PDE4D: variants seen among roughly 807,000 people sequenced by gnomAD.
PDE4D encodes the protein 3',5'-cyclic-AMP phosphodiesterase 4D.
In PDE4D, 24 loss-of-function variants were observed where a neutral mutation model predicts 87.4. The observed-to-expected ratio is 0.27, with a 90% CI of 0.20 to 0.39. The LOEUF (loss-of-function observed/expected upper bound fraction) is 0.39, where lower values mean the gene tolerates loss of function less well. PDE4D is among the 10% of genes least tolerant of loss of function. The probability of loss-of-function intolerance (pLI) is 1.00; values close to 1 mark genes in which losing one functional copy is unlikely to be tolerated. For missense variants in PDE4D, 714 were observed against 1,041.0 expected (o/e 0.69, Z 4.32); for synonymous variants, 384 against 383.2 (o/e 1.00, Z -0.02).
intron 1 of PDE4D, among the ~76,000 whole-genome samples, chr5:60,476,008 A>G (rs1030492522): frequency 2.0e-5 from 3 of 152,106 alleles, no homozygotes; most frequent in East Asian, 1.9e-4. Flanking sequence ...TCAGGACTCA[A>G]TCTAACAAAT....
At chr5:59,854,415 T>C (rs948533985) in intron 1 of PDE4D, among the ~76,000 whole-genome samples, 91 of 152,216 alleles carry the variant, frequency 6.0e-4, no homozygotes, top group African/African-American at 2.1e-3. Context: ...TTTTTTTCAA[T>C]TTGTGACTTC....
chr5:59,394,701 C>G (rs1788975958), intron 1 of PDE4D, among the ~76,000 whole-genome samples: 1 of 152,130 alleles, frequency 6.6e-6, no homozygotes, highest in African/African-American at 2.4e-5. Flanking sequence ...AATCTATCAA[C>G]TTTATGAATC....
At position 59,259,467 on chromosome 5, in the gene PDE4D, A is replaced by C. The variant is rs192079083; in HGVS notation, c.456-43499T>G. Among the ~76,000 whole-genome samples, 16 of 152,032 alleles carry C rather than the reference A, an allele frequency of 1.1e-4. No homozygotes were observed. The East Asian group carries it at 3.1e-3, about 29-fold the overall frequency. The stretch of plus-strand genomic sequence containing the variant: ...TACTTTGAATGAAGTTAAGCACATA[A>C]GGTCTGACTTCGAAATGATACCAAG... On this transcript the variant is annotated intron_variant, in intron 1 of 14. Transcript: ENST00000340635.
chr5:60,282,208 C>CATATATATATATATATATATATATATAT (rs140298004), intron 1 of PDE4D, among the ~76,000 whole-genome samples: 5 of 128,398 alleles, frequency 3.9e-5, no homozygotes, highest in Admixed American at 8.0e-5. Flanking sequence ...GAGAAATAAA[C>CATATATATATATATATATATATATATAT]ATATATATAT....
chr5:59,142,599 A>G (rs963268401), intron 5 of PDE4D, among the ~76,000 whole-genome samples: 3 of 152,250 alleles, frequency 2.0e-5, no homozygotes, highest in African/African-American at 7.2e-5. Flanking sequence ...AAACCACACA[A>G]AAGTAGTGGT....
chr5:59,773,886 A>C (rs1763820688), intron 1 of PDE4D, among the ~76,000 whole-genome samples: 1 of 152,200 alleles, frequency 6.6e-6, no homozygotes, highest in Non-Finnish European at 1.5e-5. Context: ...TTAGAAGGGA[A>C]TATAAATAAA....
At chr5:59,285,931 A>C (rs1381460250) in intron 1 of PDE4D, among the ~76,000 whole-genome samples, 1 of 152,136 alleles carries the variant, frequency 6.6e-6, no homozygotes, top group Non-Finnish European at 1.5e-5. Flanking sequence ...GCCACTACTA[A>C]GTGTTGTCCA....
intron 1 of PDE4D, among the ~76,000 whole-genome samples, chr5:60,499,197 T>G (rs867044016): frequency 6.6e-6 from 1 of 152,232 alleles, no homozygotes; most frequent in African/African-American, 2.4e-5. Flanking sequence ...ATCTGTGTAT[T>G]TAGGAAACTG....
intron 11 of PDE4D, 116 bp from the exon 12 acceptor site, chr5:58,977,461 C>G: frequency 1.2e-6 from 1 of 816,370 alleles, no homozygotes; most frequent in Non-Finnish European, 2.0e-6. Context: ...CTGCCCTTAT[C>G]ATTACCTGAC....
At chr5:59,891,169 T>A (rs1195358963) in intron 1 of PDE4D, among the ~76,000 whole-genome samples, 1 of 152,186 alleles carries the variant, frequency 6.6e-6, no homozygotes, top group African/African-American at 2.4e-5. Flanking sequence ...AAATTTCAAA[T>A]AGAACAATTA....
chr5:60,262,365 C>G (rs1443970688), intron 1 of PDE4D: 2 of 152,160 alleles, frequency 1.3e-5, no homozygotes, highest in Non-Finnish European at 2.9e-5. Flanking sequence ...CTTTTGGAAT[C>G]AGGCAAACTT....
At chr5:60,060,904 T>A (rs1456909431) in intron 2 of PDE4D, among the ~76,000 whole-genome samples, 1 of 152,020 alleles carries the variant, frequency 6.6e-6, no homozygotes, top group African/African-American at 2.4e-5. Context: ...AAACTCTCAA[T>A]AAACTAGATA....
intron 3 of PDE4D, among the ~76,000 whole-genome samples, chr5:59,971,093 A>C (rs1450011010): frequency 6.6e-6 from 1 of 151,550 alleles, no homozygotes; most frequent in Non-Finnish European, 1.5e-5. Flanking sequence ...CATTCTCAGT[A>C]AACTATCGCA....
At chr5:59,924,358 T>C (rs13165928) in intron 3 of PDE4D, among the ~76,000 whole-genome samples, 2 of 152,108 alleles carry the variant, frequency 1.3e-5, no homozygotes. Context: ...TAGGGAATTA[T>C]ATCAATATTC....
intron 1 of PDE4D, among the ~76,000 whole-genome samples, chr5:60,331,701 G>A (rs1359716539): frequency 6.6e-6 from 1 of 152,186 alleles, no homozygotes; most frequent in Non-Finnish European, 1.5e-5. Flanking sequence ...GGCAAGAGGA[G>A]GGTTTAATTA....
intron 6 of PDE4D, among the ~76,000 whole-genome samples, chr5:59,001,152 A>G (rs1484566016): frequency 1.3e-5 from 2 of 152,224 alleles, no homozygotes; most frequent in African/African-American, 2.4e-5. Flanking sequence ...GGTTTGGTGT[A>G]GTATTACCCT....
At chr5:60,121,868 A>G (rs762001887) in intron 2 of PDE4D, among the ~76,000 whole-genome samples, 12 of 152,168 alleles carry the variant, frequency 7.9e-5, no homozygotes, top group Non-Finnish European at 1.5e-4. Context: ...AGTTCCTTCC[A>G]CCTATGAGCC....
intron 1 of PDE4D, chr5:59,430,332 C>G (rs1276309015): frequency 8.1e-7 from 1 of 1,231,292 alleles, no homozygotes; most frequent in African/African-American, 1.6e-5. Context: ...GCATGTTGAT[C>G]GCGTATGGTG....
intron 1 of PDE4D, among the ~76,000 whole-genome samples, chr5:59,633,775 T>C (rs898335095): frequency 6.6e-6 from 1 of 152,150 alleles, no homozygotes; most frequent in Non-Finnish European, 1.5e-5. Context: ...TACCAGCCAC[T>C]GCAAAAACAT....
Sources: allele counts gnomAD v4.1 joint callset (sites outside exome capture counted in the v4.1 genomes callset), GRCh38; gene constraint gnomAD v4.1.1; transcripts MANE v1.5; gene names NCBI Gene and HGNC (gene_info 2026-07-23, HGNC 2026-07-21).